The following PCDHGA1 variants were observed in gnomAD, a reference collection of about 807,000 sequenced individuals.
PCDHGA1 encodes protocadherin gamma subfamily A, 1.
PCDHGA1 carries 32 observed loss-of-function variants against 58.0 expected under a neutral mutation model. The ratio of observed to expected loss-of-function variants is 0.55; its 90% CI spans 0.42 to 0.74. The LOEUF is 0.74. Ranked by LOEUF, PCDHGA1 falls within the 30% of genes least tolerant of loss-of-function variation. The pLI is 0.00. For missense variants in PCDHGA1, 1,205 were observed against 1,182.3 expected (o/e 1.02, Z -0.28); for synonymous variants, 498 against 501.1 (o/e 0.99, Z 0.08).
At position 141,432,644 on chromosome 5, in the gene PCDHGA1, G is replaced by A; in HGVS notation, c.2422-62163G>A. The A allele has an allele frequency of 1.2e-6, 2 of 1,613,812 alleles. No homozygotes were observed. The highest frequency in any genetic ancestry group is 1.7e-6 in the Non-Finnish European group (2 of 1,179,942). ...TCTGCACACGGGCGAGGTGCGCACG[G>A]CGCGAGCCCTGCTGGACAGAGACGC... On this transcript the variant is annotated intron_variant, in intron 1 of 3. Coordinates refer to ENST00000517417, the MANE Select transcript of PCDHGA1 (RefSeq NM_018912.3). The surrounding 1 kb of genome is among the most constrained non-coding windows in gnomAD (Gnocchi z 6.0).
In PCDHGA1 at chr5:141,356,625, T is replaced by C. The variant is rs763961659; in HGVS notation, c.2421+23520T>C. 15 of 1,614,096 alleles carry C rather than the reference T, an allele frequency of 9.3e-6. No homozygotes were observed. The Middle Eastern group carries it at 4.9e-4, about 53-fold the overall frequency. ...GAGGAGCCTCCATCTTATCTATGAC[T>C]GCTCAAGACCCTGACAGTGGTGACA... On this transcript the variant is annotated intron_variant, in intron 1 of 3. Transcript: ENST00000517417.
At chr5:141,428,112 A>G (rs2097111373) in intron 1 of PCDHGA1, 1 of 1,607,642 alleles carries the variant, frequency 6.2e-7, no homozygotes, top group Non-Finnish European at 8.5e-7. Context: ...GCTGCAGGCC[A>G]TCGAGCCCGG....
At chr5:141,411,189 T>C (rs1222862554) in intron 1 of PCDHGA1, 1 of 152,208 alleles carries the variant, frequency 6.6e-6, no homozygotes, top group Non-Finnish European at 1.5e-5. Context: ...TCTTGGCATC[T>C]AAGAAAACAA....
intron 1 of PCDHGA1, chr5:141,352,714 G>A (rs776520585): frequency 4.5e-6 from 7 of 1,540,548 alleles, no homozygotes; most frequent in Non-Finnish European, 6.1e-6. Flanking sequence ...TGGCGGCCGG[G>A]CGCGGTGGCT....
intron 1 of PCDHGA1, chr5:141,403,280 G>GT: frequency 6.2e-7 from 1 of 1,613,894 alleles, no homozygotes; most frequent in Non-Finnish European, 8.5e-7. Flanking sequence ...TAAAGTCCTG[G>GT]TTGAAGACAG....
intron 1 of PCDHGA1, chr5:141,370,354 C>T (rs745912783): frequency 1.4e-5 from 21 of 1,505,704 alleles, no homozygotes; most frequent in Non-Finnish European, 1.9e-5. Flanking sequence ...TTAAAGATCT[C>T]CTCTCCTCGG....
intron 1 of PCDHGA1, chr5:141,422,878 C>T: frequency 6.2e-7 from 1 of 1,614,264 alleles, no homozygotes; most frequent in African/African-American, 1.3e-5. Flanking sequence ...GTCGCTGAGC[C>T]TGTTCGTGCT....
At chr5:141,510,277 A>C (rs1242709133) in intron 3 of PCDHGA1, among the ~76,000 whole-genome samples, 5 of 151,916 alleles carry the variant, frequency 3.3e-5, no homozygotes, top group Admixed American at 2.6e-4. Flanking sequence ...CATCTTAAAA[A>C]AAAAAAAAAA....
chr5:141,413,578 C>G, intron 1 of PCDHGA1: 1 of 1,613,870 alleles, frequency 6.2e-7, no homozygotes, highest in Non-Finnish European at 8.5e-7. Flanking sequence ...TGACAATGCT[C>G]CAAAATTCCA....
At chr5:141,343,317 G>A in intron 1 of PCDHGA1, 1 of 978,166 alleles carries the variant, frequency 1.0e-6, no homozygotes, top group Non-Finnish European at 1.2e-6. Context: ...ATTTCTGTGT[G>A]TTTCTTTTCT....
At chr5:141,488,599 C>T (rs1017044328) in intron 1 of PCDHGA1, among the ~76,000 whole-genome samples, 1 of 152,152 alleles carries the variant, frequency 6.6e-6, no homozygotes, top group Non-Finnish European at 1.5e-5. Flanking sequence ...CAAGACTTTA[C>T]AAGGTTCTTA....
At chr5:141,449,080 A>G (rs2098627421) in intron 1 of PCDHGA1, among the ~76,000 whole-genome samples, 1 of 152,198 alleles carries the variant, frequency 6.6e-6, no homozygotes, top group Non-Finnish European at 1.5e-5. Context: ...CCCTGTACCT[A>G]CATCAGTTTT....
chr5:141,350,391 G>A (rs1758462481), intron 1 of PCDHGA1: 3 of 1,597,588 alleles, frequency 1.9e-6, no homozygotes, highest in Non-Finnish European at 8.6e-7. Context: ...AACGGCTCAC[G>A]GGTGGGGAAA....
intron 2 of PCDHGA1, among the ~76,000 whole-genome samples, chr5:141,504,479 G>T (rs1270717855): frequency 6.6e-6 from 1 of 152,100 alleles, no homozygotes; most frequent in African/African-American, 2.4e-5. Context: ...TGGGAGTACA[G>T]TGGAGGCACC....
intron 1 of PCDHGA1, chr5:141,393,536 T>G: frequency 6.2e-7 from 1 of 1,613,934 alleles, no homozygotes; most frequent in South Asian, 1.1e-5. Flanking sequence ...ATGCCCCGGT[T>G]TTTCCTCACC....
intron 1 of PCDHGA1, chr5:141,378,924 G>T (rs1426450881): frequency 6.6e-6 from 1 of 152,202 alleles, no homozygotes; most frequent in Non-Finnish European, 1.5e-5. Flanking sequence ...TCAAAAGTAA[G>T]TTGATGGCCC....
At chr5:141,475,217 A>G (rs1053906682) in intron 1 of PCDHGA1, among the ~76,000 whole-genome samples, 4 of 152,196 alleles carry the variant, frequency 2.6e-5, no homozygotes, top group Non-Finnish European at 5.9e-5. Flanking sequence ...AGGATTGATC[A>G]AGTAAAGGGA....
chr5:141,491,438 G>A lies in PCDHGA1; in HGVS notation c.2422-3369G>A, dbSNP rs376927300. The A allele has an allele frequency of 3.7e-6, 6 of 1,614,066 alleles. No homozygotes were observed. Among genetic ancestry groups the A allele is most frequent in the Admixed American group, 1.7e-5 (1 of 60,016 alleles). On this transcript the variant is annotated intron_variant, in intron 1 of 3. Coordinates refer to ENST00000517417, the MANE Select transcript of PCDHGA1 (RefSeq NM_018912.3). This position sits in a 1 kb window ranked among gnomAD's most constrained non-coding sequence, Gnocchi z 6.9. ...GGGGGTGGAGGGCAGTGCTGCAGGC[G>A]CCAGGACTCACCCTCCCCGGACTTC...
chr5:141,403,196 G>C lies in PCDHGA1; in HGVS notation c.2421+70091G>C, dbSNP rs762413220. 13 of 1,613,868 alleles carry C rather than the reference G, an allele frequency of 8.1e-6. No individual in the cohort carries two copies. The highest frequency in any genetic ancestry group is 1.6e-4 in the Middle Eastern group (1 of 6,078). On this transcript the variant is annotated intron_variant, in intron 1 of 3. Transcript: ENST00000517417. ...GCTTTTCTCTCTGAACCCGCGCAGC[G>C]GCACCTTGGTCACCGCGGGTAGGAT...
Sources: allele counts gnomAD v4.1 joint callset (sites outside exome capture counted in the v4.1 genomes callset), GRCh38; gene constraint gnomAD v4.1.1; non-coding constraint Gnocchi (gnomAD v3.1); transcripts MANE v1.5; gene names NCBI Gene and HGNC (gene_info 2026-07-23, HGNC 2026-07-21).